PRH1: variants seen among roughly 807,000 people sequenced by gnomAD.
PRH1 encodes the protein salivary acidic proline-rich phosphoprotein 1/2.
PRH1 carries 7 observed loss-of-function variants against 7.9 expected under a neutral mutation model. The observed-to-expected ratio is 0.89, with a 90% CI of 0.50 to 1.67. PRH1 has a LOEUF of 1.67. Ranked by LOEUF, PRH1 falls within the 40% of genes most tolerant of loss-of-function variation. The probability of loss-of-function intolerance (pLI) is 0.00; values close to 1 mark genes in which losing one functional copy is unlikely to be tolerated. For missense variants in PRH1, 109 were observed against 223.6 expected, an observed-to-expected ratio of 0.49 and a Z score of 3.27; for synonymous variants, 45 against 80.8, an observed-to-expected ratio of 0.56 and a Z score of 2.38.
At chr12:11,017,972 G>A (rs1282878520) in intron 1 of PRH1, among the ~76,000 whole-genome samples, 4 of 152,144 alleles carry the variant, frequency 2.6e-5, no homozygotes, top group Admixed American at 2.6e-4. Context: ...CCTAGCCTCT[G>A]CCAAAACCAG....
At chr12:11,101,061 A>G (rs1048982459) in intron 1 of PRH1, among the ~76,000 whole-genome samples, 5 of 152,240 alleles carry the variant, frequency 3.3e-5, no homozygotes, top group African/African-American at 1.2e-4. Flanking sequence ...TATCAAAAAT[A>G]ATTAAATTGG....
intron 1 of PRH1, among the ~76,000 whole-genome samples, chr12:11,103,236 G>GAA (rs1945309320): frequency 8.6e-6 from 1 of 115,922 alleles, no homozygotes; most frequent in African/African-American, 2.9e-5. Context: ...AAAGACACAT[G>GAA]CACATATGTT....
chr12:10,942,910 G>A (rs770338023), intron 2 of PRH1, among the ~76,000 whole-genome samples: 5 of 152,106 alleles, frequency 3.3e-5, no homozygotes, highest in Admixed American at 6.5e-5. Context: ...ATTTTGCTCA[G>A]CTCTCTAAAT....
At chr12:10,887,493 T>C (rs1016316242), upstream of PRH1, among the ~76,000 whole-genome samples, 4 of 151,922 alleles carry the variant, frequency 2.6e-5, no homozygotes, top group Non-Finnish European at 5.9e-5. Context: ...GGTCCATAAA[T>C]ATATATATTT....
chr12:11,147,929 T>C (rs551840931), intron 1 of PRH1, among the ~76,000 whole-genome samples: 217 of 150,906 alleles, frequency 1.4e-3, no homozygotes, highest in Non-Finnish European at 2.1e-3. Context: ...GCATGGAATG[T>C]TCTTCCATTT....
chr12:10,899,480 T>G (rs935234442), intron 2 of PRH1, among the ~76,000 whole-genome samples: 14 of 152,296 alleles, frequency 9.2e-5, no homozygotes, highest in African/African-American at 3.4e-4. Flanking sequence ...CCATTTTCAA[T>G]GTAGTGAGTG....
chr12:11,081,291 T>C (rs1459252143), intron 1 of PRH1, among the ~76,000 whole-genome samples: 1 of 118,774 alleles, frequency 8.4e-6, no homozygotes, highest in Non-Finnish European at 2.0e-5. Flanking sequence ...ATATTGATAA[T>C]TCATTTTTTT....
rs145099592 is a variant in PRH1, at chr12:10,893,478, C to T, written c.-58-9203G>A. Among the ~76,000 whole-genome samples, 1,518 of 152,278 alleles carry T rather than the reference C, an allele frequency of 1.0e-2. 30 individuals carry two copies. Among genetic ancestry groups the T allele is most frequent in the African/African-American group, 0.034 (1,415 of 41,544 alleles). Reference sequence around the variant, plus strand: ...TAATCTGTTAACATTACAATAGATGCCAGCAGCATCCGTCCAATTTTAACT... The same window carrying T: ...TAATCTGTTAACATTACAATAGATGTCAGCAGCATCCGTCCAATTTTAACT... On this transcript the variant is annotated intron_variant, in intron 2 of 3. Transcript: ENST00000539853.
At chr12:10,900,355 C>A (rs1194768400) in intron 2 of PRH1, among the ~76,000 whole-genome samples, 1 of 152,182 alleles carries the variant, frequency 6.6e-6, no homozygotes, top group Non-Finnish European at 1.5e-5. Context: ...TTTTCTCAGA[C>A]CCAGGACTGA....
At chr12:10,904,776 T>C (rs1299087012) in intron 2 of PRH1, among the ~76,000 whole-genome samples, 2 of 152,108 alleles carry the variant, frequency 1.3e-5, no homozygotes, top group Non-Finnish European at 2.9e-5. Context: ...AAACTATGCA[T>C]GCAACAAGGG....
intron 2 of PRH1, among the ~76,000 whole-genome samples, chr12:10,893,489 C>T (rs1179866656): frequency 1.3e-5 from 2 of 152,186 alleles, no homozygotes; most frequent in African/African-American, 2.4e-5. Context: ...CAGCAGCATC[C>T]GTCCAATTTT....
chr12:11,072,273 C>T (rs1414361054), intron 1 of PRH1, among the ~76,000 whole-genome samples: 2 of 152,132 alleles, frequency 1.3e-5, no homozygotes, highest in African/African-American at 2.4e-5. Context: ...AAGCAAGAGC[C>T]ATCATACCAA....
chr12:11,105,828 T>C (rs932805559), intron 1 of PRH1, among the ~76,000 whole-genome samples: 1 of 152,102 alleles, frequency 6.6e-6, no homozygotes, highest in African/African-American at 2.4e-5. Flanking sequence ...ATATGTAGAG[T>C]GAATCCAAAC....
chr12:10,986,849 A>G, intron 1 of PRH1: 1 of 1,534,420 alleles, frequency 6.5e-7, no homozygotes, highest in Non-Finnish European at 8.7e-7. Flanking sequence ...AAATGTATAG[A>G]AAAGTTATCA....
chr12:11,083,592 A>G (rs1944568707), intron 1 of PRH1, among the ~76,000 whole-genome samples: 1 of 149,576 alleles, frequency 6.7e-6, no homozygotes, highest in African/African-American at 2.5e-5. Context: ...AACTTATAGC[A>G]TTAAGAGTCA....
chr12:10,890,610 A>C (rs1005607419), intron 2 of PRH1, among the ~76,000 whole-genome samples: 3 of 152,158 alleles, frequency 2.0e-5, no homozygotes, highest in East Asian at 3.9e-4. Context: ...GCAGTGGCTC[A>C]TGCCTGTAAT....
At chr12:11,164,474 A>G (rs1947513155) in intron 1 of PRH1, among the ~76,000 whole-genome samples, 1 of 152,208 alleles carries the variant, frequency 6.6e-6, no homozygotes, top group African/African-American at 2.4e-5. Context: ...AAATTGGCTC[A>G]TAATTATGAT....
At chr12:11,169,617 A>C (rs1315854398) in intron 1 of PRH1, among the ~76,000 whole-genome samples, 3 of 121,044 alleles carry the variant, frequency 2.5e-5, no homozygotes, top group African/African-American at 8.3e-5. Context: ...CATATTTGGA[A>C]ATGAAAAATC....
At chr12:11,079,019 A>ACTATC (rs1166404407) in intron 1 of PRH1, 1 of 146,328 alleles carries the variant, frequency 6.8e-6, no homozygotes, top group East Asian at 2.0e-4. Flanking sequence ...AATTACTCGT[A>ACTATC]TTCCACTCAG....
Sources: allele counts gnomAD v4.1 joint callset (sites outside exome capture counted in the v4.1 genomes callset), GRCh38; gene constraint gnomAD v4.1.1; transcripts MANE v1.5; gene names NCBI Gene and HGNC (gene_info 2026-07-23, HGNC 2026-07-21).